The following ORMDL1 variants were observed in gnomAD, a reference collection of about 807,000 sequenced individuals.
The protein encoded by ORMDL1 is ORM1-like protein 1.
Under a neutral mutation model 13.0 loss-of-function variants are expected in ORMDL1, and 10 were observed. The observed-to-expected ratio is 0.77, with a 90% CI of 0.47 to 1.30. The LOEUF is 1.30. ORMDL1 is among the 50% of genes most tolerant of loss of function. ORMDL1 has a pLI of 0.00. For synonymous variants in ORMDL1, 61 were observed against 63.9 expected (o/e 0.95, Z 0.22); for missense variants, 171 against 186.7 (o/e 0.92, Z 0.49).
At chr2:189,773,146 G>C (rs1258754487) in intron 4 of ORMDL1, among the ~76,000 whole-genome samples, 1 of 152,020 alleles carries the variant, frequency 6.6e-6, no homozygotes, top group African/African-American at 2.4e-5. Flanking sequence ...TCTTATAATG[G>C]GTTCTTTTGA....
intron 4 of ORMDL1, chr2:189,774,038 A>G (rs1307394113): frequency 6.6e-6 from 1 of 152,236 alleles, no homozygotes; most frequent in Non-Finnish European, 1.5e-5. Flanking sequence ...CAGATGAGAA[A>G]ACTGAGCTTT....
intron 3 of ORMDL1, among the ~76,000 whole-genome samples, chr2:189,781,465 A>G (rs1199013046): frequency 6.6e-6 from 1 of 152,134 alleles, no homozygotes; most frequent in Non-Finnish European, 1.5e-5. Context: ...TATGGTCAGT[A>G]CAGTCAATCA....
chr2:189,780,450 G>C (rs2047797858), intron 3 of ORMDL1, among the ~76,000 whole-genome samples: 1 of 152,122 alleles, frequency 6.6e-6, no homozygotes, highest in African/African-American at 2.4e-5. Flanking sequence ...GAGTAATCAG[G>C]AATAAGATAA....
chr2:189,780,553 T>C (rs1013916151), intron 3 of ORMDL1, among the ~76,000 whole-genome samples: 1 of 152,012 alleles, frequency 6.6e-6, no homozygotes, highest in Non-Finnish European at 1.5e-5. Flanking sequence ...AAACTGAAAA[T>C]ATGGGTAGAT....
downstream of ORMDL1, among the ~76,000 whole-genome samples, chr2:189,768,672 G>A (rs1471257536): frequency 6.6e-6 from 1 of 152,098 alleles, no homozygotes; most frequent in African/African-American, 2.4e-5. Flanking sequence ...ATATGTGGTT[G>A]TCAAAATAAA....
chr2:189,779,700 T>C (rs562634861), intron 3 of ORMDL1, among the ~76,000 whole-genome samples: 5 of 152,272 alleles, frequency 3.3e-5, no homozygotes, highest in African/African-American at 1.2e-4. Flanking sequence ...TCTGCCAAGC[T>C]GGAATGGAGA....
In ORMDL1 at chr2:189,772,100, G is replaced by A. The variant is rs573042305; in HGVS notation, c.327-198C>T. Among the ~76,000 whole-genome samples, 64 of 152,154 alleles carry A rather than the reference G, an allele frequency of 4.2e-4. 1 individual carries two copies. Among genetic ancestry groups the A allele is most frequent in the Admixed American group, 3.7e-3 (56 of 15,268 alleles). Reference sequence around the variant, plus strand: ...GGAACTAAAAAATTTGTTTAATGGAGGTCCACATTTTCCATTTCTGCAATT... The same window carrying A: ...GGAACTAAAAAATTTGTTTAATGGAAGTCCACATTTTCCATTTCTGCAATT... On this transcript the variant is annotated intron_variant, in intron 4 of 4. Transcript: ENST00000392349.
At chr2:189,773,170 T>C (rs975310525) in intron 4 of ORMDL1, among the ~76,000 whole-genome samples, 1 of 152,234 alleles carries the variant, frequency 6.6e-6, no homozygotes, top group African/African-American at 2.4e-5. Flanking sequence ...TAACCTAGCA[T>C]ATGTCCCCTT....
chr2:189,771,677 CATT>C lies in ORMDL1; in HGVS notation c.*87_*89del. The C allele has an allele frequency of 8.5e-7, 1 of 1,173,492 alleles. No homozygotes were observed. 72.7% of individuals were successfully genotyped at this position (1,173,492 alleles called of 1,614,324 possible). On this transcript the variant is annotated 3_prime_UTR_variant, in exon 5 of 5. Coordinates refer to ENST00000392349, the MANE Select transcript of ORMDL1 (RefSeq NM_016467.5). ...TCCAATGTAAATACTTCTCATTTCA[CATT>C]ATCACAGAAACAGTGCAGTTTACTA...
intron 4 of ORMDL1, chr2:189,775,189 A>C (rs3791767): frequency 0.23 from 35,224 of 156,426 alleles, 4,170 homozygotes; most frequent in African/African-American, 0.28. Flanking sequence ...ATAGGTGGCC[A>C]GTGAAATTCT....
chr2:189,781,785 A>C (rs10176506), intron 3 of ORMDL1, among the ~76,000 whole-genome samples: 7,055 of 152,254 alleles, frequency 0.046, 562 homozygotes, highest in African/African-American at 0.16. Context: ...ATATACTAAA[A>C]ACTACTAAAC....
At chr2:189,784,200 C>T (rs2048029687) in intron 1 of ORMDL1, 69 bp downstream of exon 1, 3 of 152,354 alleles carry the variant, frequency 2.0e-5, no homozygotes, top group African/African-American at 7.2e-5. Flanking sequence ...AGGACGACCC[C>T]TAGGCCGCCA....
At chr2:189,769,719 G>A (rs1309598659), downstream of ORMDL1, among the ~76,000 whole-genome samples, 1 of 152,038 alleles carries the variant, frequency 6.6e-6, no homozygotes, top group East Asian at 1.9e-4. Flanking sequence ...GATTTAATAA[G>A]TAAATAAAGA....
In ORMDL1 at chr2:189,771,543, C is replaced by A. The variant is rs1183374048; in HGVS notation, c.*224G>T. ...TAACTTATAAGCTGGGCCTGCCCAGCCTGCTTATAAAGCCCCTCTTCAGAA... is the reference window on the plus strand; with the variant it reads ...TAACTTATAAGCTGGGCCTGCCCAGACTGCTTATAAAGCCCCTCTTCAGAA... On this transcript the variant is annotated 3_prime_UTR_variant, in exon 5 of 5. Transcript: ENST00000392349. The A allele has an allele frequency of 1.1e-5, 4 of 369,854 alleles. No individual in the cohort carries two copies. The highest frequency in any genetic ancestry group is 1.9e-5 in the Non-Finnish European group (4 of 209,522). 22.9% of individuals were successfully genotyped at this position (369,854 alleles called of 1,614,324 possible). A position where few individuals can be genotyped will look rare whatever the true frequency, so the allele number is the denominator to read the frequency against.
downstream of ORMDL1, among the ~76,000 whole-genome samples, chr2:189,767,880 A>G (rs1426191287): frequency 6.6e-6 from 1 of 152,224 alleles, no homozygotes; most frequent in Non-Finnish European, 1.5e-5. Flanking sequence ...AAAAAATTAA[A>G]TACTATAAAC....
intron 3 of ORMDL1, among the ~76,000 whole-genome samples, chr2:189,781,479 CTT>C (rs2047828844): frequency 6.6e-6 from 1 of 152,008 alleles, no homozygotes; most frequent in South Asian, 2.1e-4. Context: ...TCAATCAAAA[CTT>C]TGATACTCTG....
intron 3 of ORMDL1, among the ~76,000 whole-genome samples, chr2:189,780,324 G>C (rs4525728): frequency 6.6e-6 from 1 of 152,110 alleles, no homozygotes; most frequent in Non-Finnish European, 1.5e-5. Flanking sequence ...TTGGGTTTCT[G>C]ATTAGGGATG....
downstream of ORMDL1, among the ~76,000 whole-genome samples, chr2:189,769,813 T>C (rs187622649): frequency 6.6e-6 from 1 of 152,308 alleles, no homozygotes; most frequent in African/African-American, 2.4e-5. Flanking sequence ...AACTCCACAA[T>C]AGTAATTGCT....
Position 189,771,790 on chromosome 2 carries a change from T to C in ORMDL1, c.439A>G (p.Ile147Val). 6.2e-7 allele frequency: 1 copy of C among 1,604,148 alleles called. No homozygotes were observed. ...PKMPQLHGVR[I>V]FGINKY ...TTTCAATACTTATTAATTCCAAAGA[T>C]CCGAACACCATGTAGTTGTGGCATT... Residue 147 changes from isoleucine to valine, a missense_variant, in exon 5 of 5, where the codon ATC becomes GTC. Physicochemically the swap from Ile to Val is conservative, Grantham distance 29. Transcript: ENST00000392349.
Sources: allele counts gnomAD v4.1 joint callset (sites outside exome capture counted in the v4.1 genomes callset), GRCh38; gene constraint gnomAD v4.1.1; transcripts MANE v1.5; gene names NCBI Gene and HGNC (gene_info 2026-07-23, HGNC 2026-07-21).